CYSTM1: variants seen among roughly 807,000 people sequenced by gnomAD.
CYSTM1 encodes cysteine-rich transmembrane module-containing protein 1.
A neutral mutation model predicts 13.1 loss-of-function variants in CYSTM1; 4 were observed. The observed-to-expected ratio is 0.31, with a 90% CI of 0.15 to 0.70. CYSTM1 has a LOEUF of 0.70. Ranked by LOEUF, CYSTM1 falls within the 30% of genes least tolerant of loss-of-function variation. The pLI, the probability that CYSTM1 is intolerant of heterozygous loss-of-function variation, is 0.72. For missense variants in CYSTM1, 96 were observed against 121.6 expected, an observed-to-expected ratio of 0.79 and a Z score of 0.99; for synonymous variants, 36 against 42.7, an observed-to-expected ratio of 0.84 and a Z score of 0.62.
intron 2 of CYSTM1, among the ~76,000 whole-genome samples, chr5:140,235,069 C>A (rs1463752320): frequency 6.6e-6 from 1 of 151,442 alleles, no homozygotes; most frequent in African/African-American, 2.4e-5. Flanking sequence ...AGGGTTCAAG[C>A]GATTCTCCTG....
At chr5:140,206,911 C>T (rs1465513225) in intron 2 of CYSTM1, among the ~76,000 whole-genome samples, 3 of 152,206 alleles carry the variant, frequency 2.0e-5, no homozygotes, top group Non-Finnish European at 2.9e-5. Context: ...GCTGGGATTA[C>T]AGGCGTGTGC....
chr5:140,240,473 G>A (rs1764734778), intron 2 of CYSTM1, among the ~76,000 whole-genome samples: 1 of 151,818 alleles, frequency 6.6e-6, no homozygotes, highest in African/African-American at 2.4e-5. Context: ...GTGCACAGAG[G>A]GCCCCGGGCT....
At chr5:140,214,020 G>A (rs755913253) in intron 2 of CYSTM1, among the ~76,000 whole-genome samples, 2 of 152,220 alleles carry the variant, frequency 1.3e-5, no homozygotes, top group Non-Finnish European at 2.9e-5. Context: ...GGGTAAGATG[G>A]TTTTTCTCTG....
chr5:140,219,001 T>C lies in CYSTM1; in HGVS notation c.188-24304T>C, dbSNP rs1214158403. ...TTTCATGGCAAGAGGCTGGTCATGA[T>C]TGTGGAGACTTTTTAAATCTGGCTT... On this transcript the variant is annotated intron_variant, in intron 2 of 2. Coordinates refer to ENST00000261811, the MANE Select transcript of CYSTM1 (RefSeq NM_032412.4). The surrounding 1 kb of genome is among the most constrained non-coding windows in gnomAD (Gnocchi z 4.1). 2.6e-5 allele frequency among the ~76,000 whole-genome samples: 4 copies of C among 152,114 alleles called. No individual in the cohort carries two copies. Among genetic ancestry groups the C allele is most frequent in the African/African-American group, 7.2e-5 (3 of 41,424 alleles).
At chr5:140,242,001 G>A (rs138460021) in intron 2 of CYSTM1, among the ~76,000 whole-genome samples, 312 of 152,276 alleles carry the variant, frequency 2.0e-3, no homozygotes, top group African/African-American at 7.4e-3. Context: ...TCTAAGCCTC[G>A]AATTCCTTGC....
intron 2 of CYSTM1, among the ~76,000 whole-genome samples, chr5:140,229,256 G>A (rs62385160): frequency 0.15 from 22,687 of 151,578 alleles, 1,945 homozygotes; most frequent in South Asian, 0.3. Flanking sequence ...GTGCAGTGGC[G>A]TGATCTCATC....
intron 1 of CYSTM1, among the ~76,000 whole-genome samples, chr5:140,181,706 C>G (rs1420555133): frequency 6.6e-6 from 1 of 152,196 alleles, no homozygotes; most frequent in Non-Finnish European, 1.5e-5. Context: ...AGGCTGGTCT[C>G]AAACTCCTGA....
chr5:140,238,923 T>C (rs1410794735), intron 2 of CYSTM1, among the ~76,000 whole-genome samples: 1 of 152,058 alleles, frequency 6.6e-6, no homozygotes, highest in East Asian at 1.9e-4. Context: ...TTGGAAGGTG[T>C]GGTGATTGTA....
rs539025944 is a variant in CYSTM1 at position 140,194,578 on chromosome 5, C to G, written c.113C>G (p.Pro38Arg). ...CCTATGGGGGGACCCTACCCACCTC[C>G]TCAAGGGTACCCCTACCAAGGATAC... is the stretch of plus-strand genomic sequence containing the variant. Reference protein sequence around the residue: ...PGPMGGPYPPPQGYPYQGYPQ... With the variant: ...PGPMGGPYPPRQGYPYQGYPQ... Residue 38 changes from proline to arginine, a missense_variant, in exon 2 of 3, where the codon CCT becomes CGT. Physicochemically the swap from Pro to Arg is moderately radical, Grantham distance 103 (BLOSUM62 -2). Transcript: ENST00000261811. 302 of 1,613,664 alleles carry G rather than the reference C, an allele frequency of 1.9e-4. 8 individuals carry two copies. The South Asian group carries it at 3.1e-3, about 16-fold the overall frequency.
intron 2 of CYSTM1, among the ~76,000 whole-genome samples, chr5:140,220,493 G>A (rs375638478): frequency 6.6e-6 from 1 of 152,132 alleles, no homozygotes; most frequent in African/African-American, 2.4e-5. Context: ...TGTTCCAATT[G>A]TGTTTATAAT....
intron 2 of CYSTM1, 45 bp downstream of exon 2, chr5:140,194,697 A>C (rs1764135111): frequency 6.4e-7 from 1 of 1,554,488 alleles, no homozygotes; most frequent in African/African-American, 1.4e-5. Flanking sequence ...GTGTCACTAA[A>C]GGAAATGTTT....
At chr5:140,182,924 GCAGT>G (rs1763975306) in intron 1 of CYSTM1, among the ~76,000 whole-genome samples, 1 of 152,300 alleles carries the variant, frequency 6.6e-6, no homozygotes, top group Admixed American at 6.5e-5. Flanking sequence ...GAGCCACCCC[GCAGT>G]GCTGACTGAG....
intron 2 of CYSTM1, among the ~76,000 whole-genome samples, chr5:140,242,698 G>C (rs1441622086): frequency 6.6e-6 from 1 of 152,162 alleles, no homozygotes; most frequent in African/African-American, 2.4e-5. Flanking sequence ...TGGAGGAAAA[G>C]TGAGCATGCT....
At chr5:140,196,155 A>G (rs1234848806) in intron 2 of CYSTM1, among the ~76,000 whole-genome samples, 2 of 152,210 alleles carry the variant, frequency 1.3e-5, no homozygotes, top group African/African-American at 4.8e-5. Flanking sequence ...TAGTGATGTA[A>G]TAGAGGTACA....
At position 140,239,599 on chromosome 5, in the gene CYSTM1, G is replaced by A. The variant is rs542594228; in HGVS notation, c.188-3706G>A. Among the ~76,000 whole-genome samples the A allele has an allele frequency of 6.6e-6, 1 of 152,340 alleles. No homozygotes were observed. Among genetic ancestry groups the A allele is most frequent in the South Asian group, 2.1e-4 (1 of 4,828 alleles). Reference sequence around the variant, plus strand: ...CTGCTCAGCTCTTCCCAAAGCTGCTGCGCACCTGAGACCCAGGGCTTCCTG... The same window carrying A: ...CTGCTCAGCTCTTCCCAAAGCTGCTACGCACCTGAGACCCAGGGCTTCCTG... On this transcript the variant is annotated intron_variant, in intron 2 of 2. Transcript: ENST00000261811. This position sits in a 1 kb window ranked among gnomAD's most constrained non-coding sequence, Gnocchi z 5.4.
chr5:140,208,311 A>G (rs1052622400), intron 2 of CYSTM1, among the ~76,000 whole-genome samples: 7 of 152,252 alleles, frequency 4.6e-5, no homozygotes, highest in African/African-American at 1.4e-4. Context: ...ACTGGAGGCC[A>G]TTATGCTAAG....
At chr5:140,192,288 T>C (rs1764103899) in intron 1 of CYSTM1, among the ~76,000 whole-genome samples, 1 of 152,202 alleles carries the variant, frequency 6.6e-6, no homozygotes, top group Non-Finnish European at 1.5e-5. Flanking sequence ...TTTCAGCCAG[T>C]TGCACAAGGG....
At chr5:140,226,212 CTAA>C (rs1764547265) in intron 2 of CYSTM1, among the ~76,000 whole-genome samples, 1 of 151,968 alleles carries the variant, frequency 6.6e-6, no homozygotes, top group African/African-American at 2.4e-5. Flanking sequence ...GTATAGATTA[CTAA>C]TATTATTCCT....
intron 2 of CYSTM1, among the ~76,000 whole-genome samples, chr5:140,197,330 G>A (rs188652428): frequency 1.5e-3 from 232 of 152,244 alleles, no homozygotes; most frequent in African/African-American, 5.4e-3. Context: ...TCTTTTTAGG[G>A]TTAAAAGGCT....
Sources: gnomAD v4.1 joint callset for allele counts (sites outside exome capture counted in the v4.1 genomes callset) on GRCh38, gnomAD v4.1.1 for gene constraint, Gnocchi (gnomAD v3.1) non-coding constraint, MANE v1.5 for transcripts, NCBI Gene and HGNC (gene_info 2026-07-23, HGNC 2026-07-21) for gene names.